The following TBC1D4 variants were observed in gnomAD, a reference collection of about 807,000 sequenced individuals.
TBC1D4 encodes TBC (Tre-2, BUB2, CDC16) domain-containing protein.
TBC1D4 carries 121 observed loss-of-function variants against 142.5 expected under a neutral mutation model. The observed-to-expected ratio is 0.85, with a 90% confidence interval of 0.73 to 0.99. The LOEUF is 0.99. Among genes scored for constraint, TBC1D4 ranks in the 50% least tolerant of loss-of-function variants. The pLI, the probability that TBC1D4 is intolerant of heterozygous loss-of-function variation, is 0.00. For missense variants in TBC1D4, 1,475 were observed against 1,606.6 expected (o/e 0.92, Z 1.40); for synonymous variants, 630 against 628.2 (o/e 1.00, Z -0.04).
rs183705628 is a variant in TBC1D4, at chr13:75,284,189, A to G, written c.*2603T>C. ...CTTCTTGACACCAGGGACTGGTTTC[A>G]TGGAAGACAATCTTTCCACAGACTG... On this transcript the variant is annotated 3_prime_UTR_variant, in exon 21 of 21. Coordinates refer to ENST00000377636, the MANE Select transcript of TBC1D4 (RefSeq NM_014832.5). Among the ~76,000 whole-genome samples, 40 of 152,314 alleles carry G rather than the reference A, an allele frequency of 2.6e-4. No homozygotes were observed. The East Asian group carries it at 5.2e-3, about 20-fold the overall frequency.
intron 1 of TBC1D4, among the ~76,000 whole-genome samples, chr13:75,393,525 C>T (rs987997643): frequency 3.3e-5 from 5 of 152,112 alleles, no homozygotes; most frequent in Non-Finnish European, 5.9e-5. Context: ...TATGCACAGG[C>T]GAGACCTACA....
intron 1 of TBC1D4, chr13:75,377,208 G>A (rs1434237800): frequency 1.3e-5 from 2 of 152,162 alleles, no homozygotes; most frequent in Non-Finnish European, 2.9e-5. Context: ...CAAACAGAGT[G>A]AGGCCGTTAA....
At chr13:75,389,339 G>GA (rs1275614029) in intron 1 of TBC1D4, among the ~76,000 whole-genome samples, 1 of 151,992 alleles carries the variant, frequency 6.6e-6, no homozygotes, top group African/African-American at 2.4e-5. Context: ...GGAGATTTTG[G>GA]AAAAAAAGAC....
chr13:75,298,989 T>C (rs1373013406), intron 17 of TBC1D4, among the ~76,000 whole-genome samples: 1 of 152,138 alleles, frequency 6.6e-6, no homozygotes, highest in Non-Finnish European at 1.5e-5. Flanking sequence ...AACTGAGAAG[T>C]TGAGAAAAAG....
chr13:75,288,260 A>C (rs578064865), intron 20 of TBC1D4, among the ~76,000 whole-genome samples: 8 of 152,158 alleles, frequency 5.3e-5, no homozygotes, highest in Non-Finnish European at 1.0e-4. Context: ...CATCATCCGC[A>C]ACAGATTTTC....
At chr13:75,436,772 G>T (rs1034809873) in intron 1 of TBC1D4, among the ~76,000 whole-genome samples, 6 of 152,060 alleles carry the variant, frequency 3.9e-5, no homozygotes, top group African/African-American at 2.4e-5. Context: ...CTCCCCCACA[G>T]AATCCTTATT....
At chr13:75,339,491 C>T (rs1257889520) in intron 7 of TBC1D4, among the ~76,000 whole-genome samples, 1 of 152,164 alleles carries the variant, frequency 6.6e-6, no homozygotes, top group Admixed American at 6.5e-5. Flanking sequence ...GTTTCCCCCA[C>T]CAATCCCCAA....
intron 1 of TBC1D4, among the ~76,000 whole-genome samples, chr13:75,426,379 T>C (rs1432788088): frequency 6.6e-6 from 1 of 152,170 alleles, no homozygotes; most frequent in African/African-American, 2.4e-5. Context: ...TAACCATAAG[T>C]GAAATTACTA....
intron 1 of TBC1D4, among the ~76,000 whole-genome samples, chr13:75,373,948 A>G (rs879506324): frequency 3.3e-5 from 5 of 152,186 alleles, no homozygotes; most frequent in Admixed American, 6.5e-5. Context: ...CTTTCTTTTC[A>G]TCTTTGATTG....
At chr13:75,400,046 C>A (rs1480248688) in intron 1 of TBC1D4, among the ~76,000 whole-genome samples, 1 of 152,202 alleles carries the variant, frequency 6.6e-6, no homozygotes, top group Non-Finnish European at 1.5e-5. Flanking sequence ...CCAGCTCTTG[C>A]AGACACTATG....
At chr13:75,413,955 C>A (rs886127761) in intron 1 of TBC1D4, among the ~76,000 whole-genome samples, 1 of 152,174 alleles carries the variant, frequency 6.6e-6, no homozygotes, top group African/African-American at 2.4e-5. Context: ...AAGGGTCCCA[C>A]AAGAGATTGT....
chr13:75,435,351 C>T (rs545170837), intron 1 of TBC1D4, among the ~76,000 whole-genome samples: 2 of 145,148 alleles, frequency 1.4e-5, no homozygotes, highest in Admixed American at 1.4e-4. Flanking sequence ...TACATAATTA[C>T]GACTAAAAAA....
At chr13:75,377,976 C>T (rs1478878932) in intron 1 of TBC1D4, among the ~76,000 whole-genome samples, 1 of 151,890 alleles carries the variant, frequency 6.6e-6, no homozygotes, top group African/African-American at 2.4e-5. Context: ...CAAATATAAA[C>T]ATGATTTGGG....
At chr13:75,411,648 C>T (rs891980560) in intron 1 of TBC1D4, among the ~76,000 whole-genome samples, 2 of 152,086 alleles carry the variant, frequency 1.3e-5, no homozygotes, top group African/African-American at 4.8e-5. Flanking sequence ...GCCTCAGCCT[C>T]CCAAGTAGCT....
intron 9 of TBC1D4, 56 bp from the exon 10 acceptor site, chr13:75,326,479 G>T: frequency 1.3e-6 from 2 of 1,570,372 alleles, no homozygotes; most frequent in South Asian, 1.1e-5. Context: ...TGGCAGACCT[G>T]CCAAAACACA....
chr13:75,287,553 C>A (rs114295437), intron 20 of TBC1D4, among the ~76,000 whole-genome samples: 41 of 152,320 alleles, frequency 2.7e-4, no homozygotes, highest in African/African-American at 9.9e-4. Context: ...CCCACCTTCC[C>A]TAATAAGGGG....
chr13:75,320,370 A>G (rs1208568346), intron 11 of TBC1D4, among the ~76,000 whole-genome samples: 1 of 152,186 alleles, frequency 6.6e-6, no homozygotes, highest in African/African-American at 2.4e-5. Flanking sequence ...TTTTAAGCAC[A>G]GGCTTAAAAC....
chr13:75,414,856 G>C (rs567657779), intron 1 of TBC1D4, among the ~76,000 whole-genome samples: 3 of 152,302 alleles, frequency 2.0e-5, no homozygotes, highest in African/African-American at 7.2e-5. Context: ...AGGCCTAGTG[G>C]CTCATGCCTG....
Position 75,341,564 on chromosome 13 carries a change from G to C in TBC1D4, c.1432C>G (p.Leu478Val). 1.2e-6 allele frequency: 2 copies of C among 1,614,054 alleles called. No homozygotes were observed. Among genetic ancestry groups the C allele is most frequent in the Non-Finnish European group, 1.7e-6 (2 of 1,180,002 alleles). Residue 478 changes from leucine (L) to valine (V), a missense_variant, in exon 6 of 21, where the codon CTG (leucine) becomes GTG (valine). Coordinates refer to ENST00000377636, the MANE Select transcript of TBC1D4 (RefSeq NM_014832.5). ...IEGLYPPRAK[L>V]VIQRHLSSLT... is the part of the protein sequence containing the mutation. ...GATGAGAGATGCCTCTGTATCACCA[G>C]CTTGGCTCTTGGTGGGTAGAGACCT...
Sources: gnomAD v4.1 joint callset for allele counts (sites outside exome capture counted in the v4.1 genomes callset) on GRCh38, gnomAD v4.1.1 for gene constraint, MANE v1.5 for transcripts, NCBI Gene and HGNC (gene_info 2026-07-23, HGNC 2026-07-21) for gene names.